The following KIF15 variants were observed in gnomAD, a reference collection of about 807,000 sequenced individuals.
The protein encoded by KIF15 is kinesin family member 15, also known as kinesin-like protein KIF15.
Under a neutral mutation model 190.6 loss-of-function variants are expected in KIF15, and 140 were observed. The observed-to-expected ratio is 0.73, with a 90% CI of 0.64 to 0.84. The LOEUF is 0.84. KIF15 is among the 40% of genes least tolerant of loss of function. The probability of loss-of-function intolerance (pLI) is 0.00; values close to 1 mark genes in which losing one functional copy is unlikely to be tolerated. For synonymous variants in KIF15, 528 were observed against 551.3 expected (o/e 0.96, Z 0.59); for missense variants, 1,372 against 1,584.4 (o/e 0.87, Z 2.28).
At chr3:44,791,518 G>A (rs1396605869) in intron 7 of KIF15, among the ~76,000 whole-genome samples, 1 of 152,152 alleles carries the variant, frequency 6.6e-6, no homozygotes, top group African/African-American at 2.4e-5. Context: ...TTTGAGTGGG[G>A]TTGTGTTGAA....
intron 8 of KIF15, among the ~76,000 whole-genome samples, chr3:44,796,052 G>T (rs770620390): frequency 2.0e-5 from 3 of 152,062 alleles, no homozygotes; most frequent in Non-Finnish European, 4.4e-5. Flanking sequence ...TAATAGAGAT[G>T]GGGTTTCACC....
intron 14 of KIF15, among the ~76,000 whole-genome samples, chr3:44,804,469 G>A (rs1367569190): frequency 2.0e-5 from 3 of 152,086 alleles, no homozygotes; most frequent in Non-Finnish European, 4.4e-5. Context: ...TAATTCCTTG[G>A]CTGTTAACAT....
intron 20 of KIF15, among the ~76,000 whole-genome samples, chr3:44,821,959 C>CA (rs1697357514): frequency 6.6e-6 from 1 of 152,142 alleles, no homozygotes; most frequent in Non-Finnish European, 1.5e-5. Flanking sequence ...CCGTCTCCAC[C>CA]AAAAAAATAC....
chr3:44,845,448 A>G (rs1454805571), intron 30 of KIF15, among the ~76,000 whole-genome samples: 1 of 152,170 alleles, frequency 6.6e-6, no homozygotes, highest in Admixed American at 6.5e-5. Context: ...GGTAATTACA[A>G]CAACCAATCT....
At chr3:44,786,262 T>C in intron 6 of KIF15, 133 bp from the exon 7 acceptor site, 2 of 572,800 alleles carry the variant, frequency 3.5e-6, no homozygotes, top group Non-Finnish European at 5.7e-6. Flanking sequence ...TACTTTTAGG[T>C]ATCTTATATT....
At position 44,843,120 on chromosome 3, in the gene KIF15, A is replaced by G. The variant is rs1352926176; in HGVS notation, c.3586-5A>G. ...TTTTGAAAAGATACGATTTGATGTT[A>G]TTAGGAGCAGTTGCGTGAAATGGAA... On this transcript the variant is annotated splice_region_variant and splice_polypyrimidine_tract_variant and intron_variant, in intron 29 of 34. Transcript: ENST00000326047. 1 of 1,602,814 alleles carries G rather than the reference A, an allele frequency of 6.2e-7. No individual in the cohort carries two copies. Among genetic ancestry groups the G allele is most frequent in the Admixed American group, 1.7e-5 (1 of 58,960 alleles).
At chr3:44,821,052 G>A (rs532163107) in intron 20 of KIF15, among the ~76,000 whole-genome samples, 118 of 145,382 alleles carry the variant, frequency 8.1e-4, no homozygotes, top group Middle Eastern at 3.5e-3. Flanking sequence ...CCTCCCTCCC[G>A]GATGGGGCGG....
rs199868477 is a variant in KIF15, at chr3:44,797,634, A to G, written c.933A>G (p.Arg311=). 2 of 1,614,142 alleles carry G rather than the reference A, an allele frequency of 1.2e-6. No homozygotes were observed. Among genetic ancestry groups the G allele is most frequent in the South Asian group, 1.1e-5 (1 of 91,080 alleles). ...TCGACGTGGGTAATGGAAAACAGAGACATGTTTGCTACAGAGACTCCAAAC... is the reference window on the plus strand; with the variant it reads ...TCGACGTGGGTAATGGAAAACAGAGGCATGTTTGCTACAGAGACTCCAAAC... ...ALVDVGNGKQ[R]HVCYRDSKLT... The change falls in exon 9 of 35, where the codon AGA becomes AGG. Residue 311 remains arginine (R), a synonymous_variant. Coordinates refer to ENST00000326047, the MANE Select transcript of KIF15 (RefSeq NM_020242.3).
At chr3:44,829,713 A>ATATATATTATAGATG (rs1697954710) in intron 24 of KIF15, among the ~76,000 whole-genome samples, 1 of 131,440 alleles carries the variant, frequency 7.6e-6, no homozygotes, top group Non-Finnish European at 1.6e-5. Flanking sequence ...TTATAGATGT[A>ATATATATTATAGATG]TATATATTAT....
chr3:44,766,915 A>G (rs893370796), intron 1 of KIF15, among the ~76,000 whole-genome samples: 21 of 141,530 alleles, frequency 1.5e-4, no homozygotes, highest in African/African-American at 5.7e-4. Flanking sequence ...GGTTCACGCC[A>G]TTCTCCTGCC....
chr3:44,807,758 G>A (rs916134344), intron 16 of KIF15, among the ~76,000 whole-genome samples: 3 of 151,874 alleles, frequency 2.0e-5, no homozygotes, highest in East Asian at 1.9e-4. Context: ...GTCTGCAGGG[G>A]AAAAAATGTT....
rs34058914 is a variant in KIF15, at chr3:44,815,014, G to T, written c.2487G>T (p.Glu829Asp). The part of the protein sequence containing the change: ...LEYSSFKTNQ[E>D]KEFNKLSERH... The stretch of plus-strand genomic sequence containing the variant: ...ATAGTTCATTCAAAACGAATCAGGA[G>T]AAAGAATTCAACAAACTTTCCGAAA... The change falls in exon 20 of 35, where the codon GAG (glutamate) becomes GAT (aspartate). Residue 829 changes from glutamate (E) to aspartate (D), a missense_variant. Transcript: ENST00000326047. 6.2e-7 allele frequency: 1 copy of T among 1,612,180 alleles called. No individual in the cohort carries two copies. The highest frequency in any genetic ancestry group is 1.7e-5 in the Admixed American group (1 of 59,564).
chr3:44,826,403 A>G lies in KIF15; in HGVS notation c.2729A>G (p.Lys910Arg), dbSNP rs2125688670. ...NNLMELLEAE[K>R]ERNNKLSLQF... ...TTGATGGAGCTTCTTGAGGCAGAAA[A>G]AGAACGCAATAACAAATTATCATTA... The change falls in exon 22 of 35, where the codon AAA (lysine) becomes AGA (arginine). Residue 910 changes from lysine to arginine, a missense_variant. Coordinates refer to ENST00000326047, the MANE Select transcript of KIF15 (RefSeq NM_020242.3). The G allele has an allele frequency of 6.2e-7, 1 of 1,613,394 alleles. No individual in the cohort carries two copies. The highest frequency in any genetic ancestry group is 1.7e-4 in the Middle Eastern group (1 of 6,058).
intron 20 of KIF15, among the ~76,000 whole-genome samples, chr3:44,817,179 A>G (rs1708067496): frequency 6.6e-6 from 1 of 152,010 alleles, no homozygotes; most frequent in Admixed American, 6.5e-5. Flanking sequence ...ATTTTCTCCC[A>G]TTCTGTAGGT....
intron 30 of KIF15, among the ~76,000 whole-genome samples, chr3:44,844,303 A>T (rs1698746852): frequency 6.6e-6 from 1 of 152,212 alleles, no homozygotes; most frequent in South Asian, 2.1e-4. Flanking sequence ...TTCAAATTTT[A>T]GTGAGCATCA....
chr3:44,839,267 GA>G (rs1698475085), intron 27 of KIF15, among the ~76,000 whole-genome samples: 1 of 151,952 alleles, frequency 6.6e-6, no homozygotes, highest in African/African-American at 2.4e-5. Context: ...AGCTACTCGG[GA>G]AGGCTGAGGC....
intron 6 of KIF15, among the ~76,000 whole-genome samples, chr3:44,860,923 G>A (rs552146331): frequency 1.3e-5 from 2 of 152,144 alleles, no homozygotes; most frequent in African/African-American, 2.4e-5. Context: ...CTGGAGAGTG[G>A]AAATAGCACT....
chr3:44,777,634 T>G (rs1705954988), intron 3 of KIF15, among the ~76,000 whole-genome samples: 1 of 152,150 alleles, frequency 6.6e-6, no homozygotes, highest in African/African-American at 2.4e-5. Flanking sequence ...GAAGTTTCAG[T>G]GAGCCGAGAT....
chr3:44,848,564 T>A lies in KIF15; in HGVS notation c.3806+6T>A. ...ATGCTGAAAATGAAAGCAGAGTAAGTGTACTATTTTGTAATTTAAAATCTT... is the reference window on the plus strand; with the variant it reads ...ATGCTGAAAATGAAAGCAGAGTAAGAGTACTATTTTGTAATTTAAAATCTT... On this transcript the variant is annotated splice_donor_region_variant and intron_variant, in intron 32 of 34. Transcript: ENST00000326047. 1 of 1,177,428 alleles carries A rather than the reference T, an allele frequency of 8.5e-7. No homozygotes were observed. Among genetic ancestry groups the A allele is most frequent in the Non-Finnish European group, 1.2e-6 (1 of 817,880 alleles). 72.9% of individuals were successfully genotyped at this position (1,177,428 alleles called of 1,614,324 possible).
Sources: gnomAD v4.1 joint callset for allele counts (sites outside exome capture counted in the v4.1 genomes callset) on GRCh38, gnomAD v4.1.1 for gene constraint, MANE v1.5 for transcripts, NCBI Gene and HGNC (gene_info 2026-07-23, HGNC 2026-07-21) for gene names.